The following CD44 variants were observed in gnomAD, a reference collection of about 807,000 sequenced individuals.
The protein encoded by CD44 is CD44 molecule (IN blood group).
In CD44, 49 loss-of-function variants were observed where a neutral mutation model predicts 88.8. The observed-to-expected ratio is 0.55, with a 90% confidence interval of 0.44 to 0.70. The LOEUF (loss-of-function observed/expected upper bound fraction) is 0.70, where lower values mean the gene tolerates loss of function less well. CD44 is among the 30% of genes least tolerant of loss of function. The pLI, the probability that CD44 is intolerant of heterozygous loss-of-function variation, is 0.00. For synonymous variants in CD44, 325 were observed against 312.3 expected (o/e 1.04, Z -0.43); for missense variants, 883 against 913.8 (o/e 0.97, Z 0.43).
chr11:35,151,349 T>C (rs1229371881), intron 1 of CD44, among the ~76,000 whole-genome samples: 1 of 152,000 alleles, frequency 6.6e-6, no homozygotes, highest in Non-Finnish European at 1.5e-5. Flanking sequence ...ACTCAGAAGT[T>C]CTCATGAATC....
Position 35,196,785 on chromosome 11 carries a change from C to T in CD44, c.707C>T (p.Thr236Ile), listed in dbSNP as rs1336389972. 1 of 1,613,806 alleles carries T rather than the reference C, an allele frequency of 6.2e-7. No homozygotes were observed. Among genetic ancestry groups the T allele is most frequent in the Non-Finnish European group, 8.5e-7 (1 of 1,179,780 alleles). Reference sequence around the variant, plus strand: ...AGTGCTACAGCAACTGAGACAGCAACCAAGAGGCAAGAAACCTGGGATTGG... The same window carrying T: ...AGTGCTACAGCAACTGAGACAGCAATCAAGAGGCAAGAAACCTGGGATTGG... ...STSATATETA[T>I]KRQETWDWFS... The change falls in exon 6 of 18, where the codon ACC becomes ATC. Residue 236 changes from threonine (T) to isoleucine (I), a missense_variant. Physicochemically the swap from Thr to Ile is moderately conservative, Grantham distance 89 (BLOSUM62 -1). Coordinates refer to ENST00000428726, the MANE Select transcript of CD44 (RefSeq NM_000610.4).
intron 1 of CD44, among the ~76,000 whole-genome samples, chr11:35,172,396 AG>A (rs1016968055): frequency 2.6e-5 from 4 of 152,224 alleles, no homozygotes; most frequent in African/African-American, 9.7e-5. Flanking sequence ...CTGAGTGGAA[AG>A]TTTGCTCAAC....
At chr11:35,209,874 C>G in intron 12 of CD44, 91 bp from the exon 13 acceptor site, 1 of 782,584 alleles carries the variant, frequency 1.3e-6, no homozygotes, top group Non-Finnish European at 2.1e-6. Flanking sequence ...ATCCATCTGA[C>G]TCTACTCTAG....
chr11:35,181,921 T>TTATATATAATTATATATTATATATTA (rs371328712), intron 3 of CD44, among the ~76,000 whole-genome samples: 1 of 68,216 alleles, frequency 1.5e-5, no homozygotes, highest in Admixed American at 2.6e-4. Context: ...ATATTATATA[T>TTATATATAATTATATATTATATATTA]TATATTATAT....
chr11:35,212,021 A>G (rs762758294), intron 14 of CD44, among the ~76,000 whole-genome samples: 8 of 152,316 alleles, frequency 5.3e-5, no homozygotes, highest in Non-Finnish European at 1.2e-4. Context: ...TTAATCTAGT[A>G]TTAATGAATA....
chr11:35,150,647 A>G (rs1030534229), intron 1 of CD44, among the ~76,000 whole-genome samples: 2 of 152,214 alleles, frequency 1.3e-5, no homozygotes, highest in Non-Finnish European at 2.9e-5. Context: ...AGCTGAAATA[A>G]AATCCCAGAT....
intron 5 of CD44, among the ~76,000 whole-genome samples, chr11:35,193,902 T>C (rs1946495348): frequency 6.6e-6 from 1 of 152,198 alleles, no homozygotes; most frequent in Non-Finnish European, 1.5e-5. Flanking sequence ...CTTTGCAAAG[T>C]TCCTGCTCAA....
chr11:35,168,952 G>T lies in CD44; in HGVS notation c.68-7623G>T, dbSNP rs189465062. 1.1e-4 allele frequency among the ~76,000 whole-genome samples: 16 copies of T among 152,308 alleles called. No individual in the cohort carries two copies. In the East Asian group the frequency reaches 2.7e-3, roughly 26 times the overall value. ...AAAGCCAGTTACAAAACTAAAAGTT[G>T]GTCTCTGAAACATTTGCTTTCGGGG... is the stretch of plus-strand genomic sequence containing the variant. On this transcript the variant is annotated intron_variant, in intron 1 of 17. Transcript: ENST00000428726.
At chr11:35,208,579 A>G (rs1232419194) in intron 12 of CD44, among the ~76,000 whole-genome samples, 1 of 152,166 alleles carries the variant, frequency 6.6e-6, no homozygotes, top group East Asian at 1.9e-4. Flanking sequence ...CCAGTGCAGA[A>G]GAGGGGTAGG....
intron 1 of CD44, among the ~76,000 whole-genome samples, chr11:35,149,195 G>A (rs1401828287): frequency 6.6e-6 from 1 of 152,170 alleles, no homozygotes; most frequent in African/African-American, 2.4e-5. Context: ...GAGAAAAATT[G>A]TTGGCTTTTT....
intron 1 of CD44, among the ~76,000 whole-genome samples, chr11:35,150,143 G>T (rs1385758099): frequency 1.3e-5 from 2 of 152,196 alleles, no homozygotes; most frequent in Non-Finnish European, 2.9e-5. Context: ...CACTCTCAGA[G>T]CTTCATGAGC....
Position 35,196,871 on chromosome 11 carries a change from G to T in CD44, c.793G>T (p.Ala265Ser), listed in dbSNP as rs1310991575. The part of the protein sequence containing the change: ...KNHLHTTTQM[A>S]GTSSNTISAG... ...TCATCTTCACACAACAACACAAATG[G>T]CTGGTAATGAGTTATTATTATCTCA... Residue 265 changes from alanine (A) to serine (S), a missense_variant, in exon 6 of 18, where the codon GCT becomes TCT. Ala to Ser is a moderately conservative substitution (Grantham distance 99, BLOSUM62 1). Around this residue, in one of 2 missense-constraint regions of CD44, gnomAD observed 631 missense variants for 590.9 expected, o/e 1.07. Coordinates refer to ENST00000428726, the MANE Select transcript of CD44 (RefSeq NM_000610.4). The T allele has an allele frequency of 1.2e-6, 2 of 1,613,122 alleles. No homozygotes were observed. Among genetic ancestry groups the T allele is most frequent in the Non-Finnish European group, 1.7e-6 (2 of 1,179,390 alleles).
At chr11:35,186,123 C>T (rs1406811766) in intron 3 of CD44, among the ~76,000 whole-genome samples, 1 of 152,096 alleles carries the variant, frequency 6.6e-6, no homozygotes, top group Non-Finnish European at 1.5e-5. Flanking sequence ...ATTCTGGGCA[C>T]CTAGGCCAAA....
intron 5 of CD44, among the ~76,000 whole-genome samples, chr11:35,195,669 A>T (rs1005279066): frequency 1.3e-5 from 2 of 151,906 alleles, no homozygotes; most frequent in Non-Finnish European, 1.5e-5. Context: ...CTGTTAGCTC[A>T]TATTCTTCCA....
intron 1 of CD44, among the ~76,000 whole-genome samples, chr11:35,170,276 G>A (rs1943731612): frequency 6.6e-6 from 1 of 152,170 alleles, no homozygotes; most frequent in South Asian, 2.1e-4. Flanking sequence ...TAACTAGGTT[G>A]AACTACTGAC....
intron 17 of CD44, among the ~76,000 whole-genome samples, chr11:35,222,141 G>A (rs1242663978): frequency 1.3e-5 from 2 of 152,162 alleles, no homozygotes; most frequent in African/African-American, 4.8e-5. Context: ...CTCATTCATT[G>A]ATTTGTTAAA....
chr11:35,229,107 G>A (rs746666992), intron 17 of CD44, 22 bp from the exon 18 acceptor site: 58 of 1,589,806 alleles, frequency 3.6e-5, no homozygotes, highest in Non-Finnish European at 4.9e-5. Context: ...TTTCTGATAT[G>A]GTACATTTTT....
At chr11:35,212,785 C>T (rs991652079) in intron 14 of CD44, 5 of 152,174 alleles carry the variant, frequency 3.3e-5, no homozygotes, top group Admixed American at 6.5e-5. Context: ...AGTGCTGTCT[C>T]ATTTCTCTTG....
intron 7 of CD44, among the ~76,000 whole-genome samples, chr11:35,198,814 TA>T (rs756331345): frequency 2.0e-5 from 3 of 151,772 alleles, no homozygotes; most frequent in East Asian, 1.9e-4. Flanking sequence ...CCATCTCTAC[TA>T]AAAAATACAA....
Sources: allele counts gnomAD v4.1 joint callset (sites outside exome capture counted in the v4.1 genomes callset), GRCh38; gene constraint gnomAD v4.1.1; regional missense constraint gnomAD v4.1.1; transcripts MANE v1.5; gene names NCBI Gene and HGNC (gene_info 2026-07-23, HGNC 2026-07-21).